ATG4A: variants seen among roughly 807,000 people sequenced by gnomAD.
ATG4A encodes the protein cysteine protease ATG4A.
A neutral mutation model predicts 38.4 loss-of-function variants in ATG4A; 22 were observed. That is an observed-to-expected ratio of 0.57 (90% CI 0.41 to 0.82). ATG4A has a LOEUF of 0.82. Ranked by LOEUF, ATG4A falls within the 40% of genes least tolerant of loss-of-function variation. The pLI is 0.00. For missense variants in ATG4A, 220 were observed against 290.0 expected, an observed-to-expected ratio of 0.76 and a Z score of 1.75; for synonymous variants, 86 against 100.7, an observed-to-expected ratio of 0.85 and a Z score of 0.88.
intron 9 of ATG4A, among the ~76,000 whole-genome samples, chrX:108,138,978 TAG>T (rs1187817826): frequency 1.8e-5 from 2 of 111,239 alleles, no homozygotes; most frequent in Admixed American, 9.6e-5. Context: ...GAGCATAAGT[TAG>T]AGAGTGATGT....
intron 8 of ATG4A, 48 bp downstream of exon 8, chrX:108,138,039 G>T: frequency 1.7e-6 from 2 of 1,193,390 alleles, no homozygotes; most frequent in Non-Finnish European, 2.3e-6. Context: ...CCATCACACC[G>T]CCATCTCAGC....
rs765559380 is a variant in ATG4A, at chrX:108,126,138, T to C, written c.72T>C (p.Asp24=). ...IFTDYLEEYP[D]TDELVWILGK... ...CTGACTACCTAGAAGAATATCCAGA[T>C]ACAGATGAGCTGGTATGGATCTTAG... Residue 24 remains aspartate (D), a synonymous_variant, in exon 2 of 13, where the codon GAT becomes GAC. Transcript: ENST00000372232. 2 of 1,208,817 alleles carry C rather than the reference T, an allele frequency of 1.7e-6. No individual in the cohort carries two copies. Among genetic ancestry groups the C allele is most frequent in the South Asian group, 3.5e-5 (2 of 56,745 alleles).
Position 108,131,366 on chromosome X carries a change from A to G in ATG4A, c.292+8A>G. On this transcript the variant is annotated splice_region_variant and intron_variant, in intron 4 of 12. Coordinates refer to ENST00000372232, the MANE Select transcript of ATG4A (RefSeq NM_052936.5). ...GTAGACACTTGGGAAGGGGTGAGTT[A>G]AATTTGTTTTATAAACTTTCTCAGA... The G allele has an allele frequency of 8.3e-7, 1 of 1,205,269 alleles. No individual in the cohort carries two copies. Among genetic ancestry groups the G allele is most frequent in the Non-Finnish European group, 1.1e-6 (1 of 890,094 alleles).
chrX:108,117,266 A>G (rs1197926921), intron 1 of ATG4A, among the ~76,000 whole-genome samples: 3 of 111,560 alleles, frequency 2.7e-5, no homozygotes, highest in African/African-American at 6.5e-5. Flanking sequence ...AGAGATGAAC[A>G]TTACATGGAC....
In ATG4A at chrX:108,128,742, G is replaced by T. The variant is rs773021768; in HGVS notation, c.122-39G>T. Reference sequence around the variant, plus strand: ...TCAGAAGTAAAGGTGGGTATTTTTAGATATGGTGATTTAATTTTAATTTTA... The same window carrying T: ...TCAGAAGTAAAGGTGGGTATTTTTATATATGGTGATTTAATTTTAATTTTA... On this transcript the variant is annotated intron_variant, in intron 2 of 12. Transcript: ENST00000372232. 7.1e-6 allele frequency: 7 copies of T among 981,401 alleles called. No individual in the cohort carries two copies. The South Asian group carries it at 1.4e-4, about 20-fold the overall frequency. 80.9% of individuals were successfully genotyped at this position (981,401 alleles called of 1,213,427 possible).
upstream of ATG4A, among the ~76,000 whole-genome samples, chrX:108,090,418 G>C (rs1175554307): frequency 8.9e-6 from 1 of 112,000 alleles, no homozygotes; most frequent in Non-Finnish European, 1.9e-5. Flanking sequence ...ATTTCCAATG[G>C]AGTATTAAAT....
intron 1 of ATG4A, among the ~76,000 whole-genome samples, chrX:108,108,518 C>T: frequency 9.0e-6 from 1 of 110,917 alleles, no homozygotes; most frequent in Admixed American, 9.6e-5. Flanking sequence ...GCCTTTCTCC[C>T]AGTAAAAATT....
At position 108,137,945 on chromosome X, in the gene ATG4A, G is replaced by A. The variant is rs768783011; in HGVS notation, c.689G>A (p.Arg230His). 6.6e-6 allele frequency: 8 copies of A among 1,204,716 alleles called. No individual in the cohort carries two copies. Among genetic ancestry groups the A allele is most frequent in the Admixed American group, 2.2e-5 (1 of 45,228 alleles). Reference protein sequence around the residue: ...WKPLLLIVPLRLGINQINPVY... With the variant: ...WKPLLLIVPLHLGINQINPVY... ...CCCCTGCTGCTCATTGTGCCCCTTC[G>A]CCTGGGCATAAACCAAATCAATCCT... The change falls in exon 8 of 13, where the codon CGC (arginine) becomes CAC (histidine). Residue 230 changes from arginine to histidine, a missense_variant. This residue lies in a region of ATG4A where 159 missense variants were observed against 188.9 expected (regional missense o/e 0.84). Coordinates refer to ENST00000372232, the MANE Select transcript of ATG4A (RefSeq NM_052936.5).
Position 108,151,862 on chromosome X carries a change from A to C in ATG4A, c.1017+4A>C. The stretch of plus-strand genomic sequence containing the variant: ...CTGGTGTAGCCTTGTTCAGAAGGTA[A>C]AGCTATATGTTTTTCTTAGTCTGAA... On this transcript the variant is annotated splice_donor_region_variant and intron_variant, in intron 11 of 12. Coordinates refer to ENST00000372232, the MANE Select transcript of ATG4A (RefSeq NM_052936.5). 8.4e-7 allele frequency: 1 copy of C among 1,189,919 alleles called. No homozygotes were observed. The highest frequency in any genetic ancestry group is 1.1e-6 in the Non-Finnish European group (1 of 880,665).
intron 4 of ATG4A, among the ~76,000 whole-genome samples, chrX:108,131,697 G>A (rs182021398): frequency 5.4e-5 from 6 of 112,069 alleles, no homozygotes; most frequent in African/African-American, 1.9e-4. Flanking sequence ...GAAGAAGGGT[G>A]TGGTGATTAA....
At chrX:108,126,891 C>A (rs1353689535) in intron 2 of ATG4A, 3 of 565,726 alleles carry the variant, frequency 5.3e-6, no homozygotes, top group East Asian at 1.8e-4. Flanking sequence ...TTGTGTCTTT[C>A]TGAGGAGACA....
upstream of ATG4A, chrX:108,091,457 A>G (rs2031616283): frequency 8.3e-7 from 1 of 1,211,289 alleles, no homozygotes; most frequent in South Asian, 1.8e-5. Flanking sequence ...CTCTCCTTCA[A>G]CTCTTCCAGC....
At chrX:108,091,196 C>A (rs1284053589), upstream of ATG4A, among the ~76,000 whole-genome samples, 1 of 113,568 alleles carries the variant, frequency 8.8e-6, no homozygotes, top group African/African-American at 3.2e-5. Flanking sequence ...GGGAGCGGAG[C>A]TCCGGGCCAA....
chrX:108,129,639 C>T (rs1602651705), intron 3 of ATG4A, among the ~76,000 whole-genome samples: 1 of 104,288 alleles, frequency 9.6e-6, no homozygotes, highest in Admixed American at 1.0e-4. Flanking sequence ...GGCGCCATCT[C>T]GGCTCATTGC....
At chrX:108,144,259 A>G (rs888910180) in intron 9 of ATG4A, among the ~76,000 whole-genome samples, 1 of 112,724 alleles carries the variant, frequency 8.9e-6, no homozygotes, top group Non-Finnish European at 1.9e-5. Flanking sequence ...CATGGATGGG[A>G]GTCTTGGCAG....
At chrX:108,129,373 A>T (rs1447231571) in intron 3 of ATG4A, among the ~76,000 whole-genome samples, 1 of 111,798 alleles carries the variant, frequency 8.9e-6, no homozygotes, top group Non-Finnish European at 1.9e-5. Flanking sequence ...ACAGCTCAAT[A>T]GGTGAAGTGA....
chrX:108,139,461 T>C (rs1169660728), intron 9 of ATG4A, among the ~76,000 whole-genome samples: 1 of 112,017 alleles, frequency 8.9e-6, no homozygotes, highest in Non-Finnish European at 1.9e-5. Flanking sequence ...TTCCTCTCTT[T>C]AGGTTGGGGG....
At chrX:108,117,459 G>C (rs1366561690) in intron 1 of ATG4A, among the ~76,000 whole-genome samples, 1 of 112,083 alleles carries the variant, frequency 8.9e-6, no homozygotes, top group Non-Finnish European at 1.9e-5. Flanking sequence ...CAAGAAAGGA[G>C]CATTTGAGGT....
Position 108,153,198 on chromosome X carries a change from G to T in ATG4A, c.1126+111G>T. 5.8e-6 allele frequency: 3 copies of T among 514,210 alleles called. No individual in the cohort carries two copies. In the South Asian group the frequency reaches 1.2e-4, roughly 21 times the overall value. 42.4% of individuals were successfully genotyped at this position (514,210 alleles called of 1,213,427 possible). Reference sequence around the variant, plus strand: ...CTGTGGACAGTAAAATTTCTACTCAGCTGGAGTGATAAAAAAATGGCACTT... The same window carrying T: ...CTGTGGACAGTAAAATTTCTACTCATCTGGAGTGATAAAAAAATGGCACTT... On this transcript the variant is annotated intron_variant, in intron 12 of 12. Coordinates refer to ENST00000372232, the MANE Select transcript of ATG4A (RefSeq NM_052936.5).
Sources: gnomAD v4.1 joint callset for allele counts (sites outside exome capture counted in the v4.1 genomes callset) on GRCh38, gnomAD v4.1.1 for gene constraint, gnomAD v4.1.1 regional missense constraint, MANE v1.5 for transcripts, NCBI Gene and HGNC (gene_info 2026-07-23, HGNC 2026-07-21) for gene names.